The following UBE2R2 variants were observed in gnomAD, a reference collection of about 807,000 sequenced individuals.
The protein encoded by UBE2R2 is ubiquitin-conjugating enzyme E2 R2.
Under a neutral mutation model 27.8 loss-of-function variants are expected in UBE2R2, and 1 was observed. That is an observed-to-expected ratio of 0.04 (90% CI 0.01 to 0.17). The LOEUF is 0.17. Ranked by LOEUF, UBE2R2 falls within the 10% of genes least tolerant of loss-of-function variation. UBE2R2 has a pLI of 1.00. For missense variants in UBE2R2, 100 were observed against 291.0 expected (o/e 0.34, Z 4.78); for synonymous variants, 106 against 113.3 (o/e 0.94, Z 0.41).
chr9:33,898,859 T>C (rs978011621), intron 2 of UBE2R2, among the ~76,000 whole-genome samples: 1 of 152,254 alleles, frequency 6.6e-6, no homozygotes, highest in Non-Finnish European at 1.5e-5. Flanking sequence ...CCTAACTTTA[T>C]CTTTTCTATT....
At chr9:33,872,076 A>G (rs1408880364) in intron 1 of UBE2R2, among the ~76,000 whole-genome samples, 1 of 151,138 alleles carries the variant, frequency 6.6e-6, no homozygotes, top group Non-Finnish European at 1.5e-5. Flanking sequence ...CTCATGAATA[A>G]TTTTTTTTTA....
chr9:33,851,208 C>A (rs1468473213), intron 1 of UBE2R2, among the ~76,000 whole-genome samples: 3 of 150,574 alleles, frequency 2.0e-5, no homozygotes, highest in African/African-American at 7.3e-5. Context: ...CTTACAAATT[C>A]AAAGAACTAT....
At chr9:33,854,373 G>A (rs536203306) in intron 1 of UBE2R2, among the ~76,000 whole-genome samples, 1 of 151,800 alleles carries the variant, frequency 6.6e-6, no homozygotes, top group African/African-American at 2.4e-5. Context: ...AGGCTGGAGT[G>A]CAATGGTACA....
chr9:33,884,768 C>CT (rs949754325), intron 1 of UBE2R2, among the ~76,000 whole-genome samples: 31 of 148,444 alleles, frequency 2.1e-4, no homozygotes, highest in Middle Eastern at 3.5e-3. Context: ...TCTATTGATT[C>CT]TTTTTTTTTT....
At chr9:33,884,289 CTT>C (rs910443817) in intron 1 of UBE2R2, among the ~76,000 whole-genome samples, 3 of 100,000 alleles carry the variant, frequency 3.0e-5, no homozygotes, top group Admixed American at 1.3e-4. Context: ...CTTTTTCTTT[CTT>C]TTTTTTTTTT....
intron 3 of UBE2R2, 24 bp from the exon 4 acceptor site, chr9:33,911,940 C>G (rs759306410): frequency 4.4e-6 from 7 of 1,603,848 alleles, no homozygotes; most frequent in Non-Finnish European, 6.0e-6. Context: ...GTATTCATAG[C>G]TGATCCTTTT....
At position 33,909,156 on chromosome 9, in the gene UBE2R2, A is replaced by G. The variant is rs565620527; in HGVS notation, c.363-2808A>G. 2.0e-5 allele frequency among the ~76,000 whole-genome samples: 3 copies of G among 152,224 alleles called. No homozygotes were observed. The East Asian group carries it at 5.8e-4, about 29-fold the overall frequency. On this transcript the variant is annotated intron_variant, in intron 3 of 4. Coordinates refer to ENST00000263228, the MANE Select transcript of UBE2R2 (RefSeq NM_017811.4). ...ATCATCATCATCGTCGTCGTCATTG[A>G]AAGTTATTAGTACACAGTACTGATC... is the stretch of plus-strand genomic sequence containing the variant.
At chr9:33,893,313 T>C (rs1822029259) in intron 2 of UBE2R2, among the ~76,000 whole-genome samples, 1 of 152,204 alleles carries the variant, frequency 6.6e-6, no homozygotes, top group African/African-American at 2.4e-5. Flanking sequence ...TAGCGTCATA[T>C]AGTATGTGAC....
chr9:33,885,668 G>A (rs1466575121), intron 1 of UBE2R2, among the ~76,000 whole-genome samples: 1 of 152,132 alleles, frequency 6.6e-6, no homozygotes, highest in African/African-American at 2.4e-5. Context: ...ATTGGATTAG[G>A]GTAAGTTAAA....
At chr9:33,909,349 G>A (rs142270674) in intron 3 of UBE2R2, among the ~76,000 whole-genome samples, 168 of 152,048 alleles carry the variant, frequency 1.1e-3, no homozygotes, top group African/African-American at 3.9e-3. Context: ...TTGGCCAACT[G>A]TGGTGGCGCG....
rs150941924 is a variant in UBE2R2, at chr9:33,846,015, A to G, written c.177+28081A>G. Among the ~76,000 whole-genome samples, 269 of 151,890 alleles carry G rather than the reference A, an allele frequency of 1.8e-3. 2 individuals carry two copies. The highest frequency in any genetic ancestry group is 6.2e-3 in the African/African-American group (256 of 41,418). On this transcript the variant is annotated intron_variant, in intron 1 of 4. Coordinates refer to ENST00000263228, the MANE Select transcript of UBE2R2 (RefSeq NM_017811.4). ...GTGGCGGGTACCTGTAGTTCCAGCT[A>G]CTCGGGAGGCTGAGGCAGGAAAATG...
intron 1 of UBE2R2, among the ~76,000 whole-genome samples, chr9:33,880,102 C>T (rs10971764): frequency 0.079 from 11,953 of 151,666 alleles, 679 homozygotes; most frequent in Non-Finnish European, 0.12. Flanking sequence ...CTCAGGCTGC[C>T]CTCCAACTCC....
chr9:33,826,224 A>G (rs1820312679), intron 1 of UBE2R2, among the ~76,000 whole-genome samples: 1 of 152,150 alleles, frequency 6.6e-6, no homozygotes, highest in South Asian at 2.1e-4. Flanking sequence ...AACTTTATTC[A>G]GCAAGAAATT....
At chr9:33,895,016 T>G (rs1421955134) in intron 2 of UBE2R2, among the ~76,000 whole-genome samples, 1 of 152,212 alleles carries the variant, frequency 6.6e-6, no homozygotes, top group East Asian at 1.9e-4. Flanking sequence ...ATTATTGAAA[T>G]GGATATCTTT....
chr9:33,884,236 T>TCTCTCTCTCTCTCTCTCTCTCTCTCTCTC (rs1587467991), intron 1 of UBE2R2, among the ~76,000 whole-genome samples: 1 of 10,896 alleles, frequency 9.2e-5, no homozygotes, highest in Non-Finnish European at 2.2e-4. Context: ...CTCTCTCTCT[T>TCTCTCTCTCTCTCTCTCTCTCTCTCTCTC]CCCCCTCTCT....
intron 1 of UBE2R2, among the ~76,000 whole-genome samples, 196 bp downstream of exon 1, chr9:33,818,130 G>A (rs1177595711): frequency 6.6e-6 from 1 of 152,048 alleles, no homozygotes; most frequent in Non-Finnish European, 1.5e-5. Context: ...ATGGGGGCGG[G>A]GGCTCGGGCG....
intron 1 of UBE2R2, among the ~76,000 whole-genome samples, chr9:33,860,417 T>C (rs532176944): frequency 5.8e-4 from 88 of 152,328 alleles, no homozygotes; most frequent in African/African-American, 2.1e-3. Flanking sequence ...TACCACTCTT[T>C]GGCTGTGTAA....
At chr9:33,912,120 C>T (rs763876063) in intron 4 of UBE2R2, 22 bp downstream of exon 4, 10 of 1,589,294 alleles carry the variant, frequency 6.3e-6, no homozygotes, top group Middle Eastern at 1.7e-4. Flanking sequence ...TTTTTTATTA[C>T]CTCAAGTTAT....
At chr9:33,913,211 G>T (rs750385927) in intron 4 of UBE2R2, among the ~76,000 whole-genome samples, 3 of 151,904 alleles carry the variant, frequency 2.0e-5, no homozygotes, top group Non-Finnish European at 4.4e-5. Flanking sequence ...CACCCGCCTT[G>T]GCCTCCCAAA....
Sources: allele counts gnomAD v4.1 joint callset (sites outside exome capture counted in the v4.1 genomes callset), GRCh38; gene constraint gnomAD v4.1.1; transcripts MANE v1.5; gene names NCBI Gene and HGNC (gene_info 2026-07-23, HGNC 2026-07-21).